Variants in GABRG3 observed in about 807,000 individuals in gnomAD.
GABRG3 encodes gamma-aminobutyric acid receptor subunit gamma-3.
A neutral mutation model predicts 48.8 loss-of-function variants in GABRG3; 25 were observed. That is an observed-to-expected ratio of 0.51 (90% CI 0.37 to 0.72). GABRG3 has a LOEUF of 0.72. Among genes scored for constraint, GABRG3 ranks in the 30% least tolerant of loss-of-function variants. The pLI is 0.00. For missense variants in GABRG3, 394 were observed against 577.9 expected (o/e 0.68, Z 3.26); for synonymous variants, 227 against 217.6 (o/e 1.04, Z -0.38).
intron 3 of GABRG3, among the ~76,000 whole-genome samples, chr15:27,221,929 A>C (rs1004160239): frequency 6.6e-6 from 1 of 152,220 alleles, no homozygotes; most frequent in Admixed American, 6.5e-5. Flanking sequence ...AATGGGCTAC[A>C]TGATTGAAAT....
At chr15:27,082,410 G>T (rs1897006423) in intron 3 of GABRG3, among the ~76,000 whole-genome samples, 1 of 152,194 alleles carries the variant, frequency 6.6e-6, no homozygotes, top group South Asian at 2.1e-4. Context: ...GCACGAGCTT[G>T]TATGACATTC....
chr15:27,350,216 C>T (rs2140535317), intron 5 of GABRG3: 1 of 455,604 alleles, frequency 2.2e-6, no homozygotes, highest in Non-Finnish European at 4.4e-6. Context: ...ATCACCTCCT[C>T]GGAGACTCGC....
Position 27,412,255 on chromosome 15 carries a change from C to A in GABRG3, c.575-68395C>A, listed in dbSNP as rs185592668. Among the ~76,000 whole-genome samples, 349 of 152,070 alleles carry A rather than the reference C, an allele frequency of 2.3e-3. 2 individuals carry two copies. The highest frequency in any genetic ancestry group is 7.8e-3 in the African/African-American group (322 of 41,488). On this transcript the variant is annotated intron_variant, in intron 5 of 9. Transcript: ENST00000615808. ...ATCCTGCAAAAGGATAGTACAATAC[C>A]AAAACATGGACACTGATAGAGTCAA...
chr15:27,328,969 T>C (rs140675), intron 5 of GABRG3, 81 bp downstream of exon 5: 53,908 of 1,154,108 alleles, frequency 0.047, 5,157 homozygotes, highest in African/African-American at 0.35. Flanking sequence ...AACAGTCATG[T>C]GATTGATCAC....
rs773188892 is a variant in GABRG3, at chr15:27,457,288, A to G, written c.575-23362A>G. Among the ~76,000 whole-genome samples the G allele has an allele frequency of 4.2e-4, 64 of 152,160 alleles. No homozygotes were observed. The highest frequency in any genetic ancestry group is 7.6e-4 in the Non-Finnish European group (52 of 68,010). ...AAGGAGGCATTTCCTTTCTACTTGC[A>G]TCTCACAGGAAGGAGGCTTGGAAGA... On this transcript the variant is annotated intron_variant, in intron 5 of 9. Coordinates refer to ENST00000615808, the MANE Select transcript of GABRG3 (RefSeq NM_033223.5). This position sits in a 1 kb window ranked among gnomAD's most constrained non-coding sequence, Gnocchi z 4.4.
chr15:27,532,908 G>GTGAAGAC lies in GABRG3; in HGVS notation c.*27_*28insTGAAGAC. On this transcript the variant is annotated 3_prime_UTR_variant, in exon 10 of 10. Coordinates refer to ENST00000615808, the MANE Select transcript of GABRG3 (RefSeq NM_033223.5). ...TGTTGCTCAGAGTGAAGAGTGAAGA[G>GTGAAGAC]CATTTGGTACACACTTGACCTTCTG... 1 of 1,605,320 alleles carries GTGAAGAC rather than the reference G, an allele frequency of 6.2e-7. No individual in the cohort carries two copies. The highest frequency in any genetic ancestry group is 1.3e-5 in the African/African-American group (1 of 74,852).
At chr15:27,117,569 G>T (rs1007923080) in intron 3 of GABRG3, among the ~76,000 whole-genome samples, 1 of 152,112 alleles carries the variant, frequency 6.6e-6, no homozygotes, top group African/African-American at 2.4e-5. Context: ...TCTCAAAAAC[G>T]TCATAGAAAA....
chr15:27,297,887 A>C (rs1892055201), intron 3 of GABRG3, among the ~76,000 whole-genome samples: 1 of 152,088 alleles, frequency 6.6e-6, no homozygotes, highest in African/African-American at 2.4e-5. Flanking sequence ...TCTATATTCC[A>C]CTTGAATAAA....
intron 3 of GABRG3, among the ~76,000 whole-genome samples, chr15:27,288,697 G>C (rs924862303): frequency 1.4e-5 from 2 of 145,198 alleles, no homozygotes; most frequent in Non-Finnish European, 3.0e-5. Context: ...TGGGCAACAA[G>C]AGCAAAACTC....
At chr15:27,034,857 A>G (rs1355495360) in intron 3 of GABRG3, among the ~76,000 whole-genome samples, 1 of 152,232 alleles carries the variant, frequency 6.6e-6, no homozygotes, top group Non-Finnish European at 1.5e-5. Context: ...ATCCTGCTCT[A>G]CATGCCTGTA....
chr15:27,144,144 C>G (rs1002262210), intron 3 of GABRG3, among the ~76,000 whole-genome samples: 3 of 152,158 alleles, frequency 2.0e-5, no homozygotes, highest in African/African-American at 7.2e-5. Flanking sequence ...CAAAAATATG[C>G]AATTAACTAA....
chr15:27,386,607 G>A (rs1005995763), intron 5 of GABRG3, among the ~76,000 whole-genome samples: 1 of 152,032 alleles, frequency 6.6e-6, no homozygotes, highest in Non-Finnish European at 1.5e-5. Context: ...ATCCTTGTGT[G>A]GTAGTGCTGT....
intron 5 of GABRG3, among the ~76,000 whole-genome samples, chr15:27,343,945 T>C (rs1894276502): frequency 1.5e-5 from 1 of 67,964 alleles, no homozygotes. Context: ...TTTTTTTGGA[T>C]GACCAGGATC....
chr15:27,155,538 T>A (rs1354019570), intron 3 of GABRG3, among the ~76,000 whole-genome samples: 1 of 152,228 alleles, frequency 6.6e-6, no homozygotes, highest in Admixed American at 6.5e-5. Context: ...ACAGTCTATC[T>A]TATTTAAGCT....
intron 6 of GABRG3, among the ~76,000 whole-genome samples, chr15:27,495,392 C>T (rs1032163602): frequency 2.0e-5 from 3 of 152,110 alleles, no homozygotes; most frequent in African/African-American, 7.2e-5. Flanking sequence ...TGAGATGATT[C>T]CACCTCTTGG....
rs201839822 is a variant in GABRG3, at chr15:27,374,138, CTTTTTTTTT to C, written c.574+45265_574+45273del. Among the ~76,000 whole-genome samples the C allele has an allele frequency of 6.5e-5, 6 of 91,636 alleles. No homozygotes were observed. The East Asian group carries it at 1.6e-3, about 25-fold the overall frequency. 60.1% of individuals were successfully genotyped at this position (91,636 alleles called of 152,430 possible). On this transcript the variant is annotated intron_variant, in intron 5 of 9. Coordinates refer to ENST00000615808, the MANE Select transcript of GABRG3 (RefSeq NM_033223.5). ...GAATTTTCTTTCCTTTTCTTTTCTT[CTTTTTTTTT>C]TTTTTTTTTTTTTTCAGTGTGTCAC...
At chr15:27,123,120 ACT>A (rs537976585) in intron 3 of GABRG3, among the ~76,000 whole-genome samples, 243 of 152,050 alleles carry the variant, frequency 1.6e-3, no homozygotes, top group African/African-American at 5.5e-3. Flanking sequence ...CTGTGAAATC[ACT>A]CTTTCTCTTT....
rs1409181838 is a variant in GABRG3 at position 27,537,003 on chromosome 15, G to T, written c.*4122G>T. ...AACCATTATTCTTATCACCGTATCGGTTCAGTGCTCTCAAGGCACAAAGCA... is the reference window on the plus strand; with the variant it reads ...AACCATTATTCTTATCACCGTATCGTTTCAGTGCTCTCAAGGCACAAAGCA... On this transcript the variant is annotated 3_prime_UTR_variant, in exon 10 of 10. Coordinates refer to ENST00000615808, the MANE Select transcript of GABRG3 (RefSeq NM_033223.5). 6.6e-6 allele frequency: 1 copy of T among 151,874 alleles called. No homozygotes were observed. The highest frequency in any genetic ancestry group is 1.9e-4 in the East Asian group (1 of 5,170). The allele number at this position is 151,874 out of a possible 1,614,324, so 9.4% of individuals were successfully genotyped here.
chr15:27,263,750 T>G (rs1411246410), intron 3 of GABRG3, among the ~76,000 whole-genome samples: 2 of 151,976 alleles, frequency 1.3e-5, no homozygotes, highest in Non-Finnish European at 1.5e-5. Context: ...GTCCCATGTT[T>G]AGACAACCAC....
Sources: gnomAD v4.1 joint callset for allele counts (sites outside exome capture counted in the v4.1 genomes callset) on GRCh38, gnomAD v4.1.1 for gene constraint, Gnocchi (gnomAD v3.1) non-coding constraint, MANE v1.5 for transcripts, NCBI Gene and HGNC (gene_info 2026-07-23, HGNC 2026-07-21) for gene names.